Variants in CHP1 observed in about 807,000 individuals in gnomAD.
CHP1 encodes the protein calcineurin like EF-hand protein 1.
In CHP1, 11 loss-of-function variants were observed where a neutral mutation model predicts 27.4. That is an observed-to-expected ratio of 0.40 (90% CI 0.25 to 0.67). The LOEUF (loss-of-function observed/expected upper bound fraction) is 0.67. Ranked by LOEUF, CHP1 falls within the 30% of genes least tolerant of loss-of-function variation. The pLI is 0.38. For synonymous variants in CHP1, 89 were observed against 87.4 expected (o/e 1.02, Z -0.10); for missense variants, 169 against 251.3 (o/e 0.67, Z 2.22).
chr15:41,233,413 T>A (rs1258414086), intron 1 of CHP1, among the ~76,000 whole-genome samples: 2 of 152,170 alleles, frequency 1.3e-5, no homozygotes, highest in Non-Finnish European at 2.9e-5. Flanking sequence ...ATGACCTGGA[T>A]GGGATATTTT....
intron 2 of CHP1, among the ~76,000 whole-genome samples, chr15:41,244,095 G>C (rs561966708): frequency 6.6e-6 from 1 of 151,996 alleles, no homozygotes; most frequent in South Asian, 2.1e-4. Flanking sequence ...CTACTCAGGA[G>C]GCTGAGGTAG....
At chr15:41,261,177 CAT>C (rs1162511471) in intron 3 of CHP1, among the ~76,000 whole-genome samples, 1 of 139,538 alleles carries the variant, frequency 7.2e-6, no homozygotes, top group Admixed American at 7.4e-5. Context: ...TTTTTTTTGA[CAT>C]AGTCTTGCTG....
rs1354252991 is a variant in CHP1 at position 41,235,819 on chromosome 15, CTCCAAAT to C, written c.67+4371_67+4377del. On this transcript the variant is annotated intron_variant, in intron 1 of 6. Transcript: ENST00000334660. ...AAATTCAACTTCAGGTTTCTCGTGCCTCCAAATGTAGGACCCTTCACAGCCCTCACCA... is the reference window on the plus strand; with the variant it reads ...AAATTCAACTTCAGGTTTCTCGTGCCGTAGGACCCTTCACAGCCCTCACCA... Among the ~76,000 whole-genome samples, 26 of 152,294 alleles carry C rather than the reference CTCCAAAT, an allele frequency of 1.7e-4. No individual in the cohort carries two copies. In the East Asian group the frequency reaches 4.4e-3, roughly 26 times the overall value.
chr15:41,240,006 G>C (rs1034449635), intron 1 of CHP1, among the ~76,000 whole-genome samples: 1 of 151,522 alleles, frequency 6.6e-6, no homozygotes, highest in African/African-American at 2.4e-5. Flanking sequence ...TCAATCTCCT[G>C]ACCTCGTGAT....
intron 2 of CHP1, chr15:41,256,673 C>T: frequency 1.9e-6 from 1 of 525,018 alleles, no homozygotes; most frequent in South Asian, 2.1e-5. Context: ...AACCTGTGTG[C>T]TAAATTCACT....
chr15:41,237,432 G>A (rs2047283103), intron 1 of CHP1, among the ~76,000 whole-genome samples: 1 of 152,134 alleles, frequency 6.6e-6, no homozygotes, highest in Non-Finnish European at 1.5e-5. Flanking sequence ...ATAGACGTGA[G>A]CCACCTTAAT....
chr15:41,241,878 C>A (rs1227594117), intron 1 of CHP1, among the ~76,000 whole-genome samples: 1 of 152,152 alleles, frequency 6.6e-6, no homozygotes, highest in African/African-American at 2.4e-5. Flanking sequence ...CTTTGGCCAC[C>A]CCTTTAAACC....
intron 4 of CHP1, chr15:41,264,189 G>C (rs2047448708): frequency 2.3e-6 from 3 of 1,286,298 alleles, no homozygotes; most frequent in Non-Finnish European, 3.0e-6. Context: ...TATATATAGA[G>C]AGAGATCGAG....
chr15:41,278,612 C>A (rs190764840), intron 5 of CHP1, among the ~76,000 whole-genome samples, 155 bp from the exon 6 acceptor site: 1 of 152,172 alleles, frequency 6.6e-6, no homozygotes, highest in African/African-American at 2.4e-5. Context: ...ATTATATATG[C>A]AGTCGGTCAT....
chr15:41,275,914 C>T (rs1344061047), intron 5 of CHP1, among the ~76,000 whole-genome samples: 4 of 152,134 alleles, frequency 2.6e-5, no homozygotes, highest in African/African-American at 9.7e-5. Context: ...GGGGTTTCTC[C>T]ACCATGCCCG....
chr15:41,242,047 C>T (rs147164918), intron 1 of CHP1, among the ~76,000 whole-genome samples: 1 of 152,052 alleles, frequency 6.6e-6, no homozygotes, highest in South Asian at 2.1e-4. Flanking sequence ...TATTATGTAC[C>T]TGCCATTATT....
chr15:41,232,938 G>T (rs1052575682), intron 1 of CHP1, among the ~76,000 whole-genome samples: 37 of 152,124 alleles, frequency 2.4e-4, no homozygotes, highest in African/African-American at 8.9e-4. Flanking sequence ...TTCTGGACTG[G>T]TTTGCTTCTT....
intron 2 of CHP1, among the ~76,000 whole-genome samples, chr15:41,246,136 C>T (rs998440182): frequency 2.0e-5 from 3 of 152,068 alleles, no homozygotes; most frequent in African/African-American, 7.2e-5. Context: ...AGCTCCAATA[C>T]TTAAAAATTC....
Position 41,279,377 on chromosome 15 carries a change from A to G in CHP1, c.576A>G (p.Arg192=). The change falls in exon 7 of 7, where the codon CGA becomes CGG. Residue 192 remains arginine, a synonymous_variant. Coordinates refer to ENST00000334660, the MANE Select transcript of CHP1 (RefSeq NM_007236.5). ...ATGTAGAACAGAAAATGAGCATCCGATTTCTTCACTAAAGGAGACCAAACT... is the reference window on the plus strand; with the variant it reads ...ATGTAGAACAGAAAATGAGCATCCGGTTTCTTCACTAAAGGAGACCAAACT... ...KVDVEQKMSI[R]FLH 1.2e-6 allele frequency: 2 copies of G among 1,613,146 alleles called. No individual in the cohort carries two copies. The highest frequency in any genetic ancestry group is 2.7e-5 in the African/African-American group (2 of 75,018).
At chr15:41,262,507 G>A (rs1468784315) in intron 3 of CHP1, among the ~76,000 whole-genome samples, 1 of 152,028 alleles carries the variant, frequency 6.6e-6, no homozygotes. Flanking sequence ...CTTTATCCCT[G>A]GTAAGTCCTG....
At chr15:41,239,557 G>T (rs1235680704) in intron 1 of CHP1, among the ~76,000 whole-genome samples, 1 of 149,922 alleles carries the variant, frequency 6.7e-6, no homozygotes, top group Non-Finnish European at 1.5e-5. Context: ...CACCACACCT[G>T]GCTAATTTTT....
At position 41,231,353 on chromosome 15, in the gene CHP1, G is replaced by T. The variant is rs1298849250; in HGVS notation, c.-30G>T. On this transcript the variant is annotated 5_prime_UTR_variant, in exon 1 of 7. Transcript: ENST00000334660. ...TCCTGTCGCCGTCTCTTCTGGCGCCGCTGCTCCCGGAGGAGCTCCCGGCAC... is the reference window on the plus strand; with the variant it reads ...TCCTGTCGCCGTCTCTTCTGGCGCCTCTGCTCCCGGAGGAGCTCCCGGCAC... The T allele has an allele frequency of 6.3e-7, 1 of 1,579,448 alleles. No individual in the cohort carries two copies. The highest frequency in any genetic ancestry group is 2.3e-5 in the East Asian group (1 of 43,606).
At chr15:41,262,415 A>G (rs974859421) in intron 3 of CHP1, among the ~76,000 whole-genome samples, 1 of 152,108 alleles carries the variant, frequency 6.6e-6, no homozygotes, top group African/African-American at 2.4e-5. Flanking sequence ...CAATGAGTTC[A>G]AGTTCTGGCT....
chr15:41,232,339 T>C (rs1027186660), intron 1 of CHP1, among the ~76,000 whole-genome samples: 6 of 151,772 alleles, frequency 4.0e-5, no homozygotes, highest in Admixed American at 2.6e-4. Context: ...GCCTCCCAGG[T>C]AGCTGGGAGT....
Sources: gnomAD v4.1 joint callset for allele counts (sites outside exome capture counted in the v4.1 genomes callset) on GRCh38, gnomAD v4.1.1 for gene constraint, MANE v1.5 for transcripts, NCBI Gene and HGNC (gene_info 2026-07-23, HGNC 2026-07-21) for gene names.